MAF: variants seen among roughly 807,000 people sequenced by gnomAD.
MAF encodes the protein transcription factor Maf.
A neutral mutation model predicts 22.0 loss-of-function variants in MAF; 10 were observed. The observed-to-expected ratio is 0.45, with a 90% CI of 0.28 to 0.77. The LOEUF is 0.77. MAF is among the 30% of genes least tolerant of loss of function. MAF has a pLI of 0.12. For missense variants in MAF, 544 were observed against 548.4 expected, an observed-to-expected ratio of 0.99 and a Z score of 0.08; for synonymous variants, 337 against 255.8, an observed-to-expected ratio of 1.32 and a Z score of -3.03.
the MAF span, among the ~76,000 whole-genome samples, chr16:79,267,679 C>A: frequency 2.0e-5 from 3 of 152,156 alleles, no homozygotes; most frequent in African/African-American, 4.8e-5. Flanking sequence ...TCTTTGTGAG[C>A]CTCTACCTCC....
chr16:79,416,242 G>A, the MAF span, among the ~76,000 whole-genome samples: 1 of 152,160 alleles, frequency 6.6e-6, no homozygotes, highest in African/African-American at 2.4e-5. Context: ...TGATTCTGTT[G>A]TGGTCTGATG....
the MAF span, among the ~76,000 whole-genome samples, chr16:79,433,461 C>T: frequency 1.3e-5 from 2 of 151,628 alleles, no homozygotes; most frequent in African/African-American, 4.9e-5. Flanking sequence ...ACTGTTTTCA[C>T]TGTTCAGAAT....
At chr16:79,363,657 T>C in the MAF span, among the ~76,000 whole-genome samples, 608 of 152,162 alleles carry the variant, frequency 4.0e-3, 11 homozygotes, top group Admixed American at 0.028. Context: ...ACAACGAAAT[T>C]GGTACCAAAA....
chr16:79,314,310 C>A, the MAF span, among the ~76,000 whole-genome samples: 4 of 152,172 alleles, frequency 2.6e-5, no homozygotes, highest in Admixed American at 6.5e-5. Context: ...CCCAAAGTCC[C>A]TCAGTTCAGG....
chr16:79,240,134 C>T, the MAF span, among the ~76,000 whole-genome samples: 81 of 151,750 alleles, frequency 5.3e-4, 1 homozygote, highest in Non-Finnish European at 9.6e-4. Context: ...GTTTAGGGTC[C>T]CATGGCGGGG....
At chr16:79,374,659 A>T in the MAF span, among the ~76,000 whole-genome samples, 1 of 152,184 alleles carries the variant, frequency 6.6e-6, no homozygotes, top group African/African-American at 2.4e-5. Context: ...CCCAGGGGAG[A>T]CAGGTGCGTA....
chr16:79,579,357 T>C, the MAF span, among the ~76,000 whole-genome samples: 1 of 152,198 alleles, frequency 6.6e-6, no homozygotes, highest in African/African-American at 2.4e-5. Context: ...GCTTTAACAA[T>C]CTGTGAAACA....
chr16:79,219,204 C>T, the MAF span, among the ~76,000 whole-genome samples: 1 of 152,172 alleles, frequency 6.6e-6, no homozygotes, highest in Non-Finnish European at 1.5e-5. Context: ...TGTCTTCTTC[C>T]GGCTTTCCTG....
At chr16:79,526,668 C>T in the MAF span, among the ~76,000 whole-genome samples, 2 of 152,086 alleles carry the variant, frequency 1.3e-5, no homozygotes, top group African/African-American at 4.8e-5. Context: ...AAAACAACAA[C>T]AACAAAAAAC....
chr16:79,347,374 G>C, the MAF span, among the ~76,000 whole-genome samples: 1 of 152,334 alleles, frequency 6.6e-6, no homozygotes, highest in Middle Eastern at 3.4e-3. Context: ...GCGAGTAGCA[G>C]CGAGCCAGGA....
At chr16:79,305,652 T>C in the MAF span, among the ~76,000 whole-genome samples, 1 of 151,906 alleles carries the variant, frequency 6.6e-6, no homozygotes, top group Non-Finnish European at 1.5e-5. Flanking sequence ...AATTTGGGGG[T>C]CTGTGGATAA....
At chr16:79,497,526 T>A in the MAF span, among the ~76,000 whole-genome samples, 1 of 152,208 alleles carries the variant, frequency 6.6e-6, no homozygotes, top group African/African-American at 2.4e-5. Context: ...AGCTCTTTTT[T>A]AATTTGCCTT....
At chr16:79,220,550 G>T in the MAF span, among the ~76,000 whole-genome samples, 697 of 152,052 alleles carry the variant, frequency 4.6e-3, 4 homozygotes, top group African/African-American at 0.016. Flanking sequence ...TAGATATATG[G>T]TAGTTACTTA....
At chr16:79,576,314 C>CATCAGGCGATTG in the MAF span, among the ~76,000 whole-genome samples, 2 of 148,846 alleles carry the variant, frequency 1.3e-5, no homozygotes, top group South Asian at 4.3e-4. Context: ...ATGTGAATTC[C>CATCAGGCGATTG]ATCAGGCGAT....
the MAF span, among the ~76,000 whole-genome samples, chr16:79,365,712 T>C: frequency 6.6e-6 from 1 of 152,076 alleles, no homozygotes; most frequent in Non-Finnish European, 1.5e-5. Flanking sequence ...TGTTTTTATG[T>C]CCCCCATCTT....
chr16:79,386,034 GC>G, the MAF span, among the ~76,000 whole-genome samples: 5 of 152,078 alleles, frequency 3.3e-5, no homozygotes, highest in Non-Finnish European at 7.3e-5. Context: ...AGAGCTTAGA[GC>G]TTAAGGGAGG....
At chr16:79,229,575 G>A in the MAF span, 3 of 152,218 alleles carry the variant, frequency 2.0e-5, no homozygotes, top group East Asian at 5.8e-4. Context: ...GTGAAGCGCG[G>A]CGTGGAGGCC....
chr16:79,452,090 T>C, the MAF span, among the ~76,000 whole-genome samples: 1 of 152,216 alleles, frequency 6.6e-6, no homozygotes, highest in Non-Finnish European at 1.5e-5. Flanking sequence ...TGGTCTCTGA[T>C]TGCTTTTGTG....
chr16:79,576,777 C>T, the MAF span, among the ~76,000 whole-genome samples: 2 of 152,068 alleles, frequency 1.3e-5, no homozygotes, highest in African/African-American at 2.4e-5. Flanking sequence ...AGGTGCTTTA[C>T]ATACATTATC....
Sources: gnomAD v4.1 joint callset for allele counts (sites outside exome capture counted in the v4.1 genomes callset) on GRCh38, gnomAD v4.1.1 for gene constraint, MANE v1.5 for transcripts, NCBI Gene and HGNC (gene_info 2026-07-23, HGNC 2026-07-21) for gene names.